The following CTBP2 variants were observed in gnomAD, a reference collection of about 807,000 sequenced individuals.
CTBP2 encodes C-terminal binding protein 2.
A neutral mutation model predicts 80.3 loss-of-function variants in CTBP2; 30 were observed. The observed-to-expected ratio is 0.37, with a 90% CI of 0.28 to 0.51. The LOEUF is 0.51. Among genes scored for constraint, CTBP2 ranks in the 20% least tolerant of loss-of-function variants. The pLI, the probability that CTBP2 is intolerant of heterozygous loss-of-function variation, is 0.93. For synonymous variants in CTBP2, 594 were observed against 587.4 expected, an observed-to-expected ratio of 1.01 and a Z score of -0.16; for missense variants, 1,212 against 1,375.3, an observed-to-expected ratio of 0.88 and a Z score of 1.88.
At chr10:125,017,229 C>T (rs185497192) in intron 1 of CTBP2, among the ~76,000 whole-genome samples, 47 of 152,254 alleles carry the variant, frequency 3.1e-4, no homozygotes, top group Middle Eastern at 3.4e-3. Context: ...CGACGGGTAG[C>T]GGAGGAAGGT....
At chr10:125,026,056 C>A in intron 1 of CTBP2, 5 of 1,537,560 alleles carry the variant, frequency 3.3e-6, no homozygotes, top group Non-Finnish European at 4.4e-6. Context: ...GGTCCCCAGG[C>A]AGGGCAGGCG....
At chr10:125,077,392 G>A (rs939037128) in intron 2 of CTBP2, among the ~76,000 whole-genome samples, 6 of 152,110 alleles carry the variant, frequency 3.9e-5, no homozygotes, top group East Asian at 3.9e-4. Context: ...GGGATAAGGC[G>A]GCACCTGTTG....
intron 2 of CTBP2, among the ~76,000 whole-genome samples, chr10:125,087,445 GGTT>G (rs1432110401): frequency 6.6e-6 from 1 of 152,072 alleles, no homozygotes; most frequent in Admixed American, 6.5e-5. Context: ...GTCCTCCACA[GGTT>G]ATTATAAAGA....
At chr10:125,120,340 C>T (rs1019921257) in intron 1 of CTBP2, among the ~76,000 whole-genome samples, 1 of 152,202 alleles carries the variant, frequency 6.6e-6, no homozygotes, top group Non-Finnish European at 1.5e-5. Flanking sequence ...GTCCACAGTC[C>T]CTGAAAAATT....
At chr10:125,040,971 C>CG (rs1564780745) in intron 2 of CTBP2, among the ~76,000 whole-genome samples, 1 of 152,220 alleles carries the variant, frequency 6.6e-6, no homozygotes, top group African/African-American at 2.4e-5. Context: ...TCCCCCAAAA[C>CG]GGGGACTGAC....
intron 1 of CTBP2, among the ~76,000 whole-genome samples, chr10:125,151,144 TG>T (rs2133401787): frequency 6.6e-6 from 1 of 152,264 alleles, no homozygotes; most frequent in Non-Finnish European, 1.5e-5. Flanking sequence ...CGCACTTGAA[TG>T]GCTGCATAAG....
chr10:125,132,064 T>A, intron 1 of CTBP2, among the ~76,000 whole-genome samples: 1 of 152,212 alleles, frequency 6.6e-6, no homozygotes, highest in East Asian at 1.9e-4. Context: ...GAACCCTGGA[T>A]GATCTGACCA....
chr10:125,128,987 A>G (rs1367880414), intron 1 of CTBP2, among the ~76,000 whole-genome samples: 1 of 152,234 alleles, frequency 6.6e-6, no homozygotes, highest in Admixed American at 6.5e-5. Context: ...CAAGAGAATA[A>G]TCTGGCCCAA....
intron 2 of CTBP2, among the ~76,000 whole-genome samples, chr10:125,050,064 A>T (rs1350517952): frequency 8.4e-6 from 1 of 118,572 alleles, no homozygotes; most frequent in Non-Finnish European, 1.7e-5. Context: ...CTAAGGCATC[A>T]CTCATCATGC....
intron 1 of CTBP2, among the ~76,000 whole-genome samples, chr10:125,159,394 G>A (rs889669829): frequency 2.8e-5 from 4 of 145,240 alleles, no homozygotes; most frequent in Admixed American, 6.8e-5. Flanking sequence ...CCGGGCAGAG[G>A]AAATGCCCGG....
At chr10:125,097,220 A>G (rs1439802654) in intron 2 of CTBP2, among the ~76,000 whole-genome samples, 2 of 152,236 alleles carry the variant, frequency 1.3e-5, no homozygotes, top group African/African-American at 4.8e-5. Context: ...AATCTGATCC[A>G]CACCTGACTC....
intron 3 of CTBP2, among the ~76,000 whole-genome samples, chr10:125,001,741 C>G (rs1013874572): frequency 1.1e-4 from 16 of 152,310 alleles, no homozygotes; most frequent in Admixed American, 2.0e-4. Context: ...CCTGCTCGCC[C>G]GGCTCCCCAG....
At chr10:125,086,967 C>T (rs1848080768) in intron 2 of CTBP2, among the ~76,000 whole-genome samples, 1 of 152,148 alleles carries the variant, frequency 6.6e-6, no homozygotes, top group Non-Finnish European at 1.5e-5. Flanking sequence ...TGCGCCCACA[C>T]ACACGATCTC....
chr10:125,148,201 G>A (rs550270231), intron 1 of CTBP2, among the ~76,000 whole-genome samples: 1 of 152,254 alleles, frequency 6.6e-6, no homozygotes, highest in South Asian at 2.1e-4. Flanking sequence ...ACCTTCCAGT[G>A]GGACCTCTCT....
intron 2 of CTBP2, among the ~76,000 whole-genome samples, chr10:125,041,951 T>C (rs1590272331): frequency 2.1e-5 from 3 of 142,070 alleles, no homozygotes; most frequent in African/African-American, 5.1e-5. Flanking sequence ...AGAGGCTGAC[T>C]CCCATGTCTG....
In CTBP2 at chr10:124,987,321, C is replaced by T. The variant is rs1278898432; in HGVS notation, c.*2197G>A. 6.6e-6 allele frequency: 1 copy of T among 152,148 alleles called. No homozygotes were observed. Among genetic ancestry groups the T allele is most frequent in the African/African-American group, 2.4e-5 (1 of 41,220 alleles). 9.4% of individuals were successfully genotyped at this position (152,148 alleles called of 1,614,324 possible). On this transcript the variant is annotated 3_prime_UTR_variant, in exon 9 of 9. Coordinates refer to ENST00000309035, the MANE Select transcript of CTBP2 (RefSeq NM_022802.3). Reference sequence around the variant, plus strand: ...GGTTCTTTTTCTAGAGCAAACAGAGCGTGGCATTTTGTTTTGACTTGTTCT... The same window carrying T: ...GGTTCTTTTTCTAGAGCAAACAGAGTGTGGCATTTTGTTTTGACTTGTTCT...
At chr10:125,114,181 C>T (rs1264969683) in intron 1 of CTBP2, among the ~76,000 whole-genome samples, 2 of 152,182 alleles carry the variant, frequency 1.3e-5, no homozygotes, top group Non-Finnish European at 2.9e-5. Flanking sequence ...ACTTCTGAAC[C>T]AGCAACCGCA....
chr10:125,159,602 C>T (rs1591173770), intron 1 of CTBP2, among the ~76,000 whole-genome samples: 1 of 150,532 alleles, frequency 6.6e-6, no homozygotes, highest in East Asian at 2.0e-4. Flanking sequence ...CCGTCTTTCA[C>T]TTGCGCTCCC....
chr10:125,057,435 G>C (rs186083824), intron 2 of CTBP2, among the ~76,000 whole-genome samples: 1 of 152,130 alleles, frequency 6.6e-6, no homozygotes, highest in Non-Finnish European at 1.5e-5. Context: ...GCCAAACCCC[G>C]AGCTATGAAA....
Sources: gnomAD v4.1 joint callset for allele counts (sites outside exome capture counted in the v4.1 genomes callset) on GRCh38, gnomAD v4.1.1 for gene constraint, MANE v1.5 for transcripts, NCBI Gene and HGNC (gene_info 2026-07-23, HGNC 2026-07-21) for gene names.